Variants in ANXA10 observed in about 807,000 individuals in gnomAD.
The protein encoded by ANXA10 is annexin A10.
In ANXA10, 49 loss-of-function variants were observed where a neutral mutation model predicts 53.5. That is an observed-to-expected ratio of 0.92 (90% CI 0.73 to 1.16). ANXA10 has a LOEUF of 1.16. Ranked by LOEUF, ANXA10 falls within the 50% of genes most tolerant of loss-of-function variation. ANXA10 has a pLI of 0.00. For missense variants in ANXA10, 393 were observed against 394.4 expected, an observed-to-expected ratio of 1.00 and a Z score of 0.03; for synonymous variants, 131 against 128.9, an observed-to-expected ratio of 1.02 and a Z score of -0.11.
At chr4:168,166,424 C>T (rs76117079) in intron 6 of ANXA10, among the ~76,000 whole-genome samples, 3,293 of 152,110 alleles carry the variant, frequency 0.022, 196 homozygotes, top group East Asian at 0.14. Context: ...CATTGTAATA[C>T]AAATAATATT....
chr4:168,145,697 C>T (rs575486688), intron 3 of ANXA10, among the ~76,000 whole-genome samples: 23 of 152,218 alleles, frequency 1.5e-4, no homozygotes, highest in African/African-American at 4.8e-4. Context: ...TTTATATGAC[C>T]CTTTTCCTCC....
chr4:168,116,606 A>C (rs1464018922), intron 1 of ANXA10, among the ~76,000 whole-genome samples: 1 of 152,194 alleles, frequency 6.6e-6, no homozygotes, highest in Non-Finnish European at 1.5e-5. Context: ...AAGCTACTGA[A>C]TCAGAGAGGC....
intron 11 of ANXA10, among the ~76,000 whole-genome samples, chr4:168,185,578 C>A (rs1383349775): frequency 6.6e-6 from 1 of 152,178 alleles, no homozygotes; most frequent in Non-Finnish European, 1.5e-5. Flanking sequence ...CATTTTGATA[C>A]AACCTAACAA....
intron 3 of ANXA10, among the ~76,000 whole-genome samples, chr4:168,161,065 T>C (rs1188353563): frequency 2.0e-5 from 3 of 152,206 alleles, no homozygotes; most frequent in Non-Finnish European, 4.4e-5. Context: ...TTAGTTTAAT[T>C]AGATTCCATT....
intron 3 of ANXA10, among the ~76,000 whole-genome samples, chr4:168,145,243 C>T (rs1256569421): frequency 6.6e-6 from 1 of 152,064 alleles, no homozygotes; most frequent in Non-Finnish European, 1.5e-5. Context: ...TGCTTCCCGG[C>T]CTTTTGGATA....
At chr4:168,142,155 T>C (rs1182181210) in intron 3 of ANXA10, among the ~76,000 whole-genome samples, 1 of 152,120 alleles carries the variant, frequency 6.6e-6, no homozygotes, top group East Asian at 1.9e-4. Context: ...CCCTTGGGCC[T>C]AAGACTTCCC....
At chr4:168,141,000 T>C (rs1361770753) in intron 3 of ANXA10, among the ~76,000 whole-genome samples, 1 of 152,236 alleles carries the variant, frequency 6.6e-6, no homozygotes, top group Non-Finnish European at 1.5e-5. Context: ...AGGTTAAATT[T>C]AGACTGAAAA....
intron 4 of ANXA10, 137 bp downstream of exon 4, chr4:168,162,778 A>G (rs1047691591): frequency 5.3e-5 from 38 of 723,230 alleles, no homozygotes; most frequent in African/African-American, 2.6e-4. Context: ...TGATGTAACA[A>G]TGGAAATGTT....
At chr4:168,155,133 G>C (rs1224691370) in intron 3 of ANXA10, among the ~76,000 whole-genome samples, 1 of 151,060 alleles carries the variant, frequency 6.6e-6, no homozygotes, top group East Asian at 1.9e-4. Context: ...TTTATTGTTG[G>C]TATCTCCTAA....
chr4:168,115,952 A>T (rs888128930), intron 1 of ANXA10, among the ~76,000 whole-genome samples: 1 of 152,222 alleles, frequency 6.6e-6, no homozygotes, highest in South Asian at 2.1e-4. Flanking sequence ...ACTGTGGTAC[A>T]TGGATTTTTT....
chr4:168,186,582 C>T (rs900793136), intron 11 of ANXA10, among the ~76,000 whole-genome samples: 2 of 152,184 alleles, frequency 1.3e-5, no homozygotes, highest in African/African-American at 4.8e-5. Flanking sequence ...GACAGGCACT[C>T]AGCAGGCACC....
intron 1 of ANXA10, among the ~76,000 whole-genome samples, chr4:168,109,324 T>G (rs1322179543): frequency 6.6e-6 from 1 of 152,218 alleles, no homozygotes; most frequent in South Asian, 2.1e-4. Flanking sequence ...AGTATGAATT[T>G]TAATGGATTT....
At chr4:168,128,639 T>C (rs1336790722) in intron 2 of ANXA10, among the ~76,000 whole-genome samples, 1 of 152,170 alleles carries the variant, frequency 6.6e-6, no homozygotes, top group Non-Finnish European at 1.5e-5. Flanking sequence ...TTTTCTTCTC[T>C]TGTCTACTTT....
chr4:168,100,078 G>A (rs947693303), intron 1 of ANXA10, among the ~76,000 whole-genome samples: 1 of 152,034 alleles, frequency 6.6e-6, no homozygotes, highest in East Asian at 1.9e-4. Flanking sequence ...ATGTAATCTA[G>A]AATCAGTTGT....
At chr4:168,102,407 G>A (rs1342049216) in intron 1 of ANXA10, among the ~76,000 whole-genome samples, 5 of 152,098 alleles carry the variant, frequency 3.3e-5, no homozygotes, top group East Asian at 1.9e-4. Context: ...GTCAGCTACC[G>A]ACCCCAAACT....
At chr4:168,165,952 C>T (rs1731871139) in intron 6 of ANXA10, among the ~76,000 whole-genome samples, 1 of 152,240 alleles carries the variant, frequency 6.6e-6, no homozygotes, top group Non-Finnish European at 1.5e-5. Flanking sequence ...GCTAGAATTA[C>T]AGGCGTGAGC....
At chr4:168,103,614 T>C (rs1254449272) in intron 1 of ANXA10, among the ~76,000 whole-genome samples, 1 of 151,936 alleles carries the variant, frequency 6.6e-6, no homozygotes, top group Non-Finnish European at 1.5e-5. Context: ...TTTTGGAGTT[T>C]CTTTTCAAAA....
At chr4:168,109,029 G>T (rs1168175319) in intron 1 of ANXA10, among the ~76,000 whole-genome samples, 1 of 152,138 alleles carries the variant, frequency 6.6e-6, no homozygotes, top group Non-Finnish European at 1.5e-5. Flanking sequence ...CTTCACTTTG[G>T]AATGTGAATG....
At chr4:168,148,352 A>G (rs1158326533) in intron 3 of ANXA10, among the ~76,000 whole-genome samples, 1 of 152,050 alleles carries the variant, frequency 6.6e-6, no homozygotes, top group East Asian at 1.9e-4. Flanking sequence ...TTTTTAGTAG[A>G]GACGGGGTTT....
Sources: allele counts gnomAD v4.1 joint callset (sites outside exome capture counted in the v4.1 genomes callset), GRCh38; gene constraint gnomAD v4.1.1; transcripts MANE v1.5; gene names NCBI Gene and HGNC (gene_info 2026-07-23, HGNC 2026-07-21).